Variants in LRPPRC observed in about 807,000 individuals in gnomAD.
LRPPRC encodes leucine-rich PPR motif-containing protein, mitochondrial.
Under a neutral mutation model 180.3 loss-of-function variants are expected in LRPPRC, and 120 were observed. The observed-to-expected ratio is 0.67, with a 90% CI of 0.57 to 0.77. The LOEUF is 0.77. Among genes scored for constraint, LRPPRC ranks in the 30% least tolerant of loss-of-function variants. LRPPRC has a pLI of 0.00. For missense variants in LRPPRC, 2,012 were observed against 1,657.2 expected (o/e 1.21, Z -3.72); for synonymous variants, 723 against 600.0 (o/e 1.21, Z -3.00).
At chr2:43,908,909 G>A (rs1671157178) in intron 30 of LRPPRC, among the ~76,000 whole-genome samples, 1 of 152,224 alleles carries the variant, frequency 6.6e-6, no homozygotes, top group Non-Finnish European at 1.5e-5. Context: ...TGGATCCAGA[G>A]TAAGACTGCC....
chr2:43,973,891 T>C lies in LRPPRC; in HGVS notation c.1165A>G (p.Lys389Glu), dbSNP rs769187343. 6 of 1,597,146 alleles carry C rather than the reference T, an allele frequency of 3.8e-6. No individual in the cohort carries two copies. The South Asian group carries it at 5.5e-5, about 15-fold the overall frequency. ...AACTTCTTACAGTAGTCTGTTAGCTTCTCCACAGGCTGTGGGAAAAAAGTC... is the reference window on the plus strand; with the variant it reads ...AACTTCTTACAGTAGTCTGTTAGCTCCTCCACAGGCTGTGGGAAAAAAGTC... ...HCVTMNTPVEKLTDYCKKLKE... is the reference protein window; with the variant it reads ...HCVTMNTPVEELTDYCKKLKE... Residue 389 changes from lysine (K) to glutamate (E), a missense_variant, in exon 10 of 38, where the codon AAG becomes GAG. Coordinates refer to ENST00000260665, the MANE Select transcript of LRPPRC (RefSeq NM_133259.4).
At chr2:43,929,002 T>A (rs530534117) in intron 25 of LRPPRC, among the ~76,000 whole-genome samples, 1 of 152,342 alleles carries the variant, frequency 6.6e-6, no homozygotes, top group African/African-American at 2.4e-5. Context: ...TATATCATTA[T>A]AATAAAGTAA....
At chr2:43,926,543 T>C (rs7559561) in intron 25 of LRPPRC, among the ~76,000 whole-genome samples, 80,624 of 151,982 alleles carry the variant, frequency 0.53, 23,429 homozygotes, top group East Asian at 0.96. Context: ...AATTTTTGTA[T>C]TTTTAGTAGA....
In LRPPRC at chr2:43,960,582, C is replaced by A. The variant is rs763619472; in HGVS notation, c.1541G>T (p.Ser514Ile). Residue 514 changes from serine (S) to isoleucine (I), a missense_variant, in exon 13 of 38, where the codon AGT becomes ATT. Ser to Ile is a moderately radical substitution (Grantham distance 142). Transcript: ENST00000260665. ...SDMFSQAGLR[S>I]EAANGNLDFV... is the part of the protein sequence containing the mutation. Reference sequence around the variant, plus strand: ...GTCTAAGTTCCCATTTGCTGCTTCACTTCTCAATCCAGCTTGAGAAAACAT... The same window carrying A: ...GTCTAAGTTCCCATTTGCTGCTTCAATTCTCAATCCAGCTTGAGAAAACAT... 1.9e-6 allele frequency: 3 copies of A among 1,607,040 alleles called. No individual in the cohort carries two copies. The highest frequency in any genetic ancestry group is 2.6e-6 in the Non-Finnish European group (3 of 1,174,688).
chr2:43,979,300 T>A (rs890299859), intron 3 of LRPPRC, among the ~76,000 whole-genome samples: 3 of 152,184 alleles, frequency 2.0e-5, no homozygotes, highest in Non-Finnish European at 4.4e-5. Context: ...GTCTACACCT[T>A]AATTTTTATT....
chr2:43,991,787 C>G (rs1406373766), intron 1 of LRPPRC, among the ~76,000 whole-genome samples: 2 of 152,162 alleles, frequency 1.3e-5, no homozygotes, highest in Non-Finnish European at 2.9e-5. Context: ...TTACTAATGT[C>G]TAATAATTTC....
intron 13 of LRPPRC, among the ~76,000 whole-genome samples, chr2:43,958,555 CTAAAAG>C (rs1320383451): frequency 4.6e-5 from 7 of 152,156 alleles, no homozygotes; most frequent in Non-Finnish European, 8.8e-5. Context: ...GTTTGAAAAT[CTAAAAG>C]TCACTTTTAA....
chr2:43,969,840 A>T (rs1043860156), intron 11 of LRPPRC, among the ~76,000 whole-genome samples: 1 of 151,964 alleles, frequency 6.6e-6, no homozygotes, highest in Non-Finnish European at 1.5e-5. Context: ...TCGCTCGGCT[A>T]ATTTTTCTAT....
At chr2:43,916,412 G>A (rs372567548) in intron 29 of LRPPRC, among the ~76,000 whole-genome samples, 57 of 152,270 alleles carry the variant, frequency 3.7e-4, no homozygotes, top group African/African-American at 1.1e-3. Context: ...TAATAAAGGT[G>A]AAGATGTCTT....
chr2:43,939,956 C>A (rs1672420252), intron 23 of LRPPRC, among the ~76,000 whole-genome samples: 1 of 152,222 alleles, frequency 6.6e-6, no homozygotes, highest in East Asian at 1.9e-4. Context: ...GCCACATTTA[C>A]ATTATCAGGC....
intron 25 of LRPPRC, among the ~76,000 whole-genome samples, chr2:43,927,530 C>T (rs1038142331): frequency 1.3e-5 from 2 of 152,112 alleles, no homozygotes; most frequent in Non-Finnish European, 2.9e-5. Context: ...ATTTTTCTTA[C>T]GTTATTTGTT....
rs892460341 is a variant in LRPPRC at position 43,887,637 on chromosome 2, T to C, written c.*963A>G. The C allele has an allele frequency of 2.0e-5, 3 of 152,204 alleles. No homozygotes were observed. Among genetic ancestry groups the C allele is most frequent in the African/African-American group, 7.2e-5 (3 of 41,438 alleles). 9.4% of individuals were successfully genotyped at this position (152,204 alleles called of 1,614,324 possible). A position where few individuals can be genotyped will look rare whatever the true frequency, so the allele number is the denominator to read the frequency against. On this transcript the variant is annotated 3_prime_UTR_variant, in exon 38 of 38. Coordinates refer to ENST00000260665, the MANE Select transcript of LRPPRC (RefSeq NM_133259.4). Reference sequence around the variant, plus strand: ...TACCTCATCTCCAGTTAGGTCAATATTCCATATTATTAAGACACCTTTTAT... The same window carrying C: ...TACCTCATCTCCAGTTAGGTCAATACTCCATATTATTAAGACACCTTTTAT...
intron 1 of LRPPRC, among the ~76,000 whole-genome samples, chr2:43,988,055 A>G (rs1674605585): frequency 6.6e-6 from 1 of 152,028 alleles, no homozygotes; most frequent in African/African-American, 2.4e-5. Flanking sequence ...AGCCCGGCCA[A>G]CATGTGAAAC....
At chr2:43,960,760 T>G in intron 12 of LRPPRC, 126 bp from the exon 13 acceptor site, 1 of 699,288 alleles carries the variant, frequency 1.4e-6, no homozygotes, top group Middle Eastern at 3.3e-4. Context: ...ATAGATAAGC[T>G]CAGTAATTGA....
In LRPPRC at chr2:43,975,117, T is replaced by G; in HGVS notation, c.838A>C (p.Lys280Gln). 1 of 1,613,450 alleles carries G rather than the reference T, an allele frequency of 6.2e-7. No individual in the cohort carries two copies. Residue 280 changes from lysine (K) to glutamine (Q), a missense_variant, in exon 7 of 38, where the codon AAG becomes CAG. Coordinates refer to ENST00000260665, the MANE Select transcript of LRPPRC (RefSeq NM_133259.4). ...YLALLNAYAE[K>Q]GDIDHVKQTL... Reference sequence around the variant, plus strand: ...TGCTTAACATGGTCAATGTCGCCCTTCTCAGCATATGCATTCAATAATGCG... The same window carrying G: ...TGCTTAACATGGTCAATGTCGCCCTGCTCAGCATATGCATTCAATAATGCG...
intron 11 of LRPPRC, among the ~76,000 whole-genome samples, chr2:43,970,118 C>T (rs1673738591): frequency 6.6e-6 from 1 of 152,306 alleles, no homozygotes; most frequent in African/African-American, 2.4e-5. Flanking sequence ...ACTGCAGCTA[C>T]AAGATTCTTA....
At chr2:43,982,889 T>C (rs546977203) in intron 1 of LRPPRC, among the ~76,000 whole-genome samples, 1 of 151,876 alleles carries the variant, frequency 6.6e-6, no homozygotes, top group Non-Finnish European at 1.5e-5. Context: ...AAGCTTACTA[T>C]GAATTTAAAA....
At chr2:43,981,277 A>G (rs1318322466) in intron 2 of LRPPRC, among the ~76,000 whole-genome samples, 2 of 152,210 alleles carry the variant, frequency 1.3e-5, no homozygotes, top group Admixed American at 1.3e-4. Flanking sequence ...GGAAGGTAAG[A>G]AAAACTAGTT....
In LRPPRC at chr2:43,888,257, G is replaced by A. The variant is rs144519599; in HGVS notation, c.*343C>T. ...TCTAAAATTTTTCAGAGAAACAGCAGACTAATAAGTGAATCTTAAATAAAG... is the reference window on the plus strand; with the variant it reads ...TCTAAAATTTTTCAGAGAAACAGCAAACTAATAAGTGAATCTTAAATAAAG... On this transcript the variant is annotated 3_prime_UTR_variant, in exon 38 of 38. Transcript: ENST00000260665. The A allele has an allele frequency of 3.8e-3, 1,033 of 272,818 alleles. 4 individuals are homozygous for A. Among genetic ancestry groups the A allele is most frequent in the Non-Finnish European group, 6.1e-3 (867 of 141,716 alleles). 16.9% of individuals were successfully genotyped at this position (272,818 alleles called of 1,614,324 possible). A position where few individuals can be genotyped will look rare whatever the true frequency, so the allele number is the denominator to read the frequency against.
Sources: gnomAD v4.1 joint callset for allele counts (sites outside exome capture counted in the v4.1 genomes callset) on GRCh38, gnomAD v4.1.1 for gene constraint, MANE v1.5 for transcripts, NCBI Gene and HGNC (gene_info 2026-07-23, HGNC 2026-07-21) for gene names.